The following SLF1 variants were observed in gnomAD, a reference collection of about 807,000 sequenced individuals.
The protein encoded by SLF1 is SMC5/6 complex localization factor 1, also known as SMC5-SMC6 complex localization factor protein 1.
Under a neutral mutation model 123.0 loss-of-function variants are expected in SLF1, and 105 were observed. The observed-to-expected ratio is 0.85, with a 90% CI of 0.73 to 1.00. The LOEUF is 1.00. Among genes scored for constraint, SLF1 ranks in the 50% least tolerant of loss-of-function variants. The probability of loss-of-function intolerance (pLI) is 0.00; values close to 1 mark genes in which losing one functional copy is unlikely to be tolerated. For missense variants in SLF1, 1,239 were observed against 1,223.0 expected (o/e 1.01, Z -0.20); for synonymous variants, 434 against 406.6 (o/e 1.07, Z -0.81).
intron 10 of SLF1, 28 bp from the exon 11 acceptor site, chr5:94,663,722 C>A: frequency 6.9e-7 from 1 of 1,459,240 alleles, no homozygotes; most frequent in East Asian, 2.5e-5. Context: ...TTTCTTTTCT[C>A]TGAATCATAG....
chr5:94,665,213 C>A (rs982811410), intron 11 of SLF1, among the ~76,000 whole-genome samples: 3 of 150,418 alleles, frequency 2.0e-5, no homozygotes, highest in Non-Finnish European at 4.4e-5. Context: ...TTTCAGAGGC[C>A]GAGGCCTCCC....
chr5:94,663,193 T>C (rs1478885241), intron 10 of SLF1, among the ~76,000 whole-genome samples: 1 of 152,238 alleles, frequency 6.6e-6, no homozygotes, highest in African/African-American at 2.4e-5. Context: ...AGGTTTTCTT[T>C]TAGAGGTAGT....
rs78633466 is a variant in SLF1 at position 94,661,034 on chromosome 5, G to A, written c.1156-1264G>A. On this transcript the variant is annotated intron_variant, in intron 9 of 20. Coordinates refer to ENST00000265140, the MANE Select transcript of SLF1 (RefSeq NM_032290.4). Reference sequence around the variant, plus strand: ...AATATCAGTGGGGCTCCGGGCTTAGGCACTGTTGGGCCACAGAGCAGGATG... The same window carrying A: ...AATATCAGTGGGGCTCCGGGCTTAGACACTGTTGGGCCACAGAGCAGGATG... Among the ~76,000 whole-genome samples, 280 of 152,244 alleles carry A rather than the reference G, an allele frequency of 1.8e-3. 8 individuals are homozygous for A. In the East Asian group the frequency reaches 0.05, roughly 27 times the overall value.
chr5:94,691,813 T>C (rs193147434), intron 19 of SLF1, among the ~76,000 whole-genome samples, 157 bp downstream of exon 19: 1 of 152,252 alleles, frequency 6.6e-6, no homozygotes, highest in East Asian at 1.9e-4. Context: ...ATTTCTCATA[T>C]ATTGATTTAT....
At chr5:94,660,614 G>A (rs1409216086) in intron 9 of SLF1, among the ~76,000 whole-genome samples, 1 of 152,194 alleles carries the variant, frequency 6.6e-6, no homozygotes, top group East Asian at 1.9e-4. Flanking sequence ...GGGTGGGGTA[G>A]GCCTGTCTTC....
At chr5:94,625,342 T>G (rs1345160055) in intron 1 of SLF1, among the ~76,000 whole-genome samples, 1 of 152,062 alleles carries the variant, frequency 6.6e-6, no homozygotes, top group Non-Finnish European at 1.5e-5. Context: ...TGTCCAGCAT[T>G]TCTAAAAAGA....
intron 4 of SLF1, among the ~76,000 whole-genome samples, chr5:94,636,781 A>G (rs1224962614): frequency 1.5e-5 from 2 of 137,216 alleles, no homozygotes; most frequent in African/African-American, 2.8e-5. Flanking sequence ...GCAGTGGCAC[A>G]ATCTTGGCTC....
chr5:94,631,084 C>T (rs1305172535), intron 4 of SLF1, among the ~76,000 whole-genome samples: 1 of 152,122 alleles, frequency 6.6e-6, no homozygotes, highest in East Asian at 1.9e-4. Flanking sequence ...ACAAAAGCAT[C>T]ATTCTGGGTT....
intron 12 of SLF1, among the ~76,000 whole-genome samples, chr5:94,667,872 C>T (rs1749988173): frequency 6.6e-6 from 1 of 152,168 alleles, no homozygotes; most frequent in Non-Finnish European, 1.5e-5. Flanking sequence ...CCTCAGCCTC[C>T]TGAATAGCTG....
intron 5 of SLF1, among the ~76,000 whole-genome samples, chr5:94,646,855 T>C (rs1353491934): frequency 6.6e-6 from 1 of 152,214 alleles, no homozygotes; most frequent in Non-Finnish European, 1.5e-5. Context: ...GTGAGAATTA[T>C]TACTATTACT....
chr5:94,619,263 G>T (rs74364255), intron 1 of SLF1, among the ~76,000 whole-genome samples: 3,081 of 151,984 alleles, frequency 0.02, 207 homozygotes, highest in East Asian at 0.14. Context: ...AGAAAATTGT[G>T]TCATTCTTTC....
intron 18 of SLF1, 102 bp downstream of exon 18, chr5:94,689,708 A>G: frequency 9.5e-7 from 1 of 1,048,198 alleles, no homozygotes; most frequent in Non-Finnish European, 1.4e-6. Flanking sequence ...TTGAACTTAA[A>G]TATTGGACTA....
rs984649651 is a variant in SLF1, at chr5:94,696,854, A to G, written c.*1542A>G. On this transcript the variant is annotated 3_prime_UTR_variant, in exon 21 of 21. Transcript: ENST00000265140. ...TCACACCAGGTATCTTTGTCATGAT[A>G]GAATTGTTAGCATATCACATCATAT... is the stretch of plus-strand genomic sequence containing the variant. 2.6e-5 allele frequency: 4 copies of G among 151,874 alleles called. No homozygotes were observed. Among genetic ancestry groups the G allele is most frequent in the African/African-American group, 7.2e-5 (3 of 41,408 alleles). 9.4% of individuals were successfully genotyped at this position (151,874 alleles called of 1,614,324 possible).
chr5:94,621,972 T>TA lies in SLF1; in HGVS notation c.-1+3217dup, dbSNP rs879508687. Reference sequence around the variant, plus strand: ...GGGCAGGAAATAGACACTGTGTCTTTAAAAAAAAAAGTCTGAAGGCCAGCT... The same window carrying TA: ...GGGCAGGAAATAGACACTGTGTCTTTAAAAAAAAAAAGTCTGAAGGCCAGCT... On this transcript the variant is annotated intron_variant, in intron 1 of 20. Coordinates refer to ENST00000265140, the MANE Select transcript of SLF1 (RefSeq NM_032290.4). Among the ~76,000 whole-genome samples the TA allele has an allele frequency of 6.4e-3, 957 of 148,918 alleles. 4 individuals are homozygous for TA. The highest frequency in any genetic ancestry group is 0.014 in the Middle Eastern group (4 of 286).
intron 9 of SLF1, among the ~76,000 whole-genome samples, chr5:94,657,116 T>C (rs904827204): frequency 6.6e-6 from 1 of 151,360 alleles, no homozygotes; most frequent in Non-Finnish European, 1.5e-5. Context: ...GCTCTTCTTC[T>C]TCCTTGAGGT....
At chr5:94,694,689 C>T in intron 20 of SLF1, 142 bp from the exon 21 acceptor site, 4 of 1,057,076 alleles carry the variant, frequency 3.8e-6, no homozygotes, top group Non-Finnish European at 5.2e-6. Context: ...TATATATAGT[C>T]AGTTAATTGT....
At chr5:94,683,317 A>C (rs1752038899) in intron 15 of SLF1, among the ~76,000 whole-genome samples, 1 of 152,168 alleles carries the variant, frequency 6.6e-6, no homozygotes, top group Non-Finnish European at 1.5e-5. Flanking sequence ...TCGTTTATTC[A>C]GCAAAATTTT....
chr5:94,629,937 G>A (rs371598145), intron 3 of SLF1, among the ~76,000 whole-genome samples: 20 of 151,988 alleles, frequency 1.3e-4, no homozygotes, highest in African/African-American at 4.3e-4. Flanking sequence ...TTGTGCCAAG[G>A]AGTTTAAGAC....
rs1744918437 is a variant in SLF1, at chr5:94,629,004, CCTT to C, written c.114+84_115-82del. ...ATACTGGCCTAAGAATGATAAAATGCCTTCTTGATATTGTAGCAATAAAAAGGA... is the reference window on the plus strand; with the variant it reads ...ATACTGGCCTAAGAATGATAAAATGCCTTGATATTGTAGCAATAAAAAGGA... On this transcript the variant is annotated intron_variant, in intron 2 of 20. Transcript: ENST00000265140. 3.6e-6 allele frequency: 5 copies of C among 1,391,808 alleles called. No individual in the cohort carries two copies. The East Asian group carries it at 1.3e-4, about 35-fold the overall frequency. 86.2% of individuals were successfully genotyped at this position (1,391,808 alleles called of 1,614,324 possible).
Sources: allele counts gnomAD v4.1 joint callset (sites outside exome capture counted in the v4.1 genomes callset), GRCh38; gene constraint gnomAD v4.1.1; transcripts MANE v1.5; gene names NCBI Gene and HGNC (gene_info 2026-07-23, HGNC 2026-07-21).